Variants in NSMCE4A observed in about 807,000 individuals in gnomAD.
NSMCE4A encodes the protein NSE4A component of SMC5/6 complex.
In NSMCE4A, 40 loss-of-function variants were observed where a neutral mutation model predicts 47.9. That is an observed-to-expected ratio of 0.83 (90% CI 0.65 to 1.09). The LOEUF is 1.09. NSMCE4A is among the 50% of genes least tolerant of loss of function. The pLI, the probability that NSMCE4A is intolerant of heterozygous loss-of-function variation, is 0.00. For missense variants in NSMCE4A, 500 were observed against 507.0 expected (o/e 0.99, Z 0.13); for synonymous variants, 166 against 178.5 (o/e 0.93, Z 0.56).
At chr10:121,965,437 AAACT>A (rs1376127436) in intron 4 of NSMCE4A, 52 bp from the exon 5 acceptor site, 3 of 1,401,356 alleles carry the variant, frequency 2.1e-6, no homozygotes, top group Non-Finnish European at 3.0e-6. Flanking sequence ...TTTGTTAAAC[AAACT>A]AACTTTACTA....
intron 4 of NSMCE4A, chr10:121,966,793 A>G (rs1952614836): frequency 6.6e-6 from 1 of 152,234 alleles, no homozygotes; most frequent in Non-Finnish European, 1.5e-5. Flanking sequence ...CTTAGAGAAG[A>G]GCCAGTAAGA....
intron 3 of NSMCE4A, among the ~76,000 whole-genome samples, chr10:121,968,418 G>A (rs1044250465): frequency 7.9e-5 from 12 of 152,076 alleles, no homozygotes; most frequent in Non-Finnish European, 1.3e-4. Context: ...AAAGCTTCAA[G>A]ACAGCACAAG....
intron 3 of NSMCE4A, among the ~76,000 whole-genome samples, chr10:121,968,740 A>G (rs12265542): frequency 0.13 from 20,361 of 152,212 alleles, 1,576 homozygotes; most frequent in Middle Eastern, 0.18. Context: ...CAAAACCCTC[A>G]GGGAGCTTAA....
chr10:121,957,422 CTTTTTTCTT>C (rs1952414451), intron 10 of NSMCE4A, among the ~76,000 whole-genome samples, 163 bp from the exon 11 acceptor site: 3 of 117,770 alleles, frequency 2.5e-5, no homozygotes, highest in African/African-American at 9.5e-5. Context: ...TTCCCTTCTT[CTTTTTTCTT>C]TTTTTTTTTT....
In NSMCE4A at chr10:121,973,238, C is replaced by CA. The variant is rs11327063; in HGVS notation, c.370+765dup. On this transcript the variant is annotated intron_variant, in intron 2 of 10. Coordinates refer to ENST00000369023, the MANE Select transcript of NSMCE4A (RefSeq NM_017615.3). ...GCAACAGAGACTCCATCTCAAACCT[C>CA]AAAAAAAAAAAAAAAAAGGATATAT... Among the ~76,000 whole-genome samples, 538 of 132,142 alleles carry CA rather than the reference C, an allele frequency of 4.1e-3. 4 individuals are homozygous for CA. Among genetic ancestry groups the CA allele is most frequent in the East Asian group, 0.026 (110 of 4,182 alleles). 86.7% of individuals were successfully genotyped at this position (132,142 alleles called of 152,430 possible).
intron 5 of NSMCE4A, 74 bp from the exon 6 acceptor site, chr10:121,963,402 AAACTCCTTTTCTTCTCTCTTGCACACCCG>A: frequency 1.2e-6 from 1 of 813,094 alleles, no homozygotes; most frequent in South Asian, 1.5e-5. Flanking sequence ...TTGCACACCC[AAACTCCTTTTCTTCTCTCTTGCACACCCG>A]AACTCTTTTT....
In NSMCE4A at chr10:121,959,385, G is replaced by A. The variant is rs1733836171; in HGVS notation, c.1109C>T (p.Ser370Leu). The change falls in exon 10 of 11, where the codon TCA becomes TTA. Residue 370 changes from serine to leucine, a missense_variant. Coordinates refer to ENST00000369023, the MANE Select transcript of NSMCE4A (RefSeq NM_017615.3). Reference protein sequence around the residue: ...WEEIVKTFEISEPVITPSQRQ... With the variant: ...WEEIVKTFEILEPVITPSQRQ... The stretch of plus-strand genomic sequence containing the variant: ...CTGACTTGGAGTAATCACAGGCTCT[G>A]AAATCTCAAAGGTCTTCACAATCTC... 1.2e-6 allele frequency: 2 copies of A among 1,614,082 alleles called. No individual in the cohort carries two copies. Among genetic ancestry groups the A allele is most frequent in the African/African-American group, 2.7e-5 (2 of 74,932 alleles).
chr10:121,967,577 A>G, intron 4 of NSMCE4A, 78 bp downstream of exon 4: 1 of 1,456,524 alleles, frequency 6.9e-7, no homozygotes, highest in Non-Finnish European at 9.3e-7. Flanking sequence ...ACAATACCAA[A>G]TAATCTTTGT....
intron 4 of NSMCE4A, chr10:121,965,688 T>G (rs118146804): frequency 7.4e-6 from 2 of 269,872 alleles, no homozygotes; most frequent in Non-Finnish European, 1.4e-5. Context: ...CCCAACCTAT[T>G]GTTTTGCAAA....
In NSMCE4A at chr10:121,975,055, C is replaced by T; in HGVS notation, c.111G>A (p.Arg37=). 1 of 1,460,710 alleles carries T rather than the reference C, an allele frequency of 6.8e-7. No individual in the cohort carries two copies. The highest frequency in any genetic ancestry group is 9.0e-7 in the Non-Finnish European group (1 of 1,114,938). The allele number at this position is 1,460,710 out of a possible 1,614,324, so 90.5% of individuals were successfully genotyped here. ...RSRSRSPLSP[R]SRRGSARERR... ...GCTCCCGCGCAGAGCCGCGGCGGGA[C>T]CTGGGCGACAAAGGGGACCGCGAGC... Residue 37 remains arginine (R), a synonymous_variant, in exon 1 of 11, where the codon AGG becomes AGA. Transcript: ENST00000369023.
intron 4 of NSMCE4A, chr10:121,966,994 C>A (rs1952618667): frequency 6.6e-6 from 1 of 152,122 alleles, no homozygotes; most frequent in African/African-American, 2.4e-5. Context: ...TAATAAATGT[C>A]ACTTTAGACG....
intron 6 of NSMCE4A, 22 bp from the exon 7 acceptor site, chr10:121,961,539 A>G: frequency 6.7e-7 from 1 of 1,494,720 alleles, no homozygotes; most frequent in South Asian, 1.3e-5. Context: ...AAGAGAAAAA[A>G]AAATTGATTT....
intron 1 of NSMCE4A, 107 bp downstream of exon 1, chr10:121,974,767 G>C: frequency 8.5e-7 from 1 of 1,175,822 alleles, no homozygotes; most frequent in Non-Finnish European, 1.0e-6. Flanking sequence ...CTAACGCCGC[G>C]CCGGGCCTCC....
chr10:121,962,418 CAAA>C (rs781536528), intron 6 of NSMCE4A, among the ~76,000 whole-genome samples: 5 of 78,468 alleles, frequency 6.4e-5, no homozygotes, highest in Admixed American at 2.9e-4. Flanking sequence ...GACTCTGTCT[CAAA>C]AAAAAAAAAA....
chr10:121,971,771 T>C (rs890646964), intron 2 of NSMCE4A, among the ~76,000 whole-genome samples: 32 of 152,224 alleles, frequency 2.1e-4, no homozygotes, highest in African/African-American at 7.0e-4. Context: ...GTGCTTGGCA[T>C]GGTGGTTTGT....
chr10:121,957,802 A>G (rs1481600943), intron 10 of NSMCE4A, among the ~76,000 whole-genome samples: 2 of 152,190 alleles, frequency 1.3e-5, no homozygotes, highest in Non-Finnish European at 1.5e-5. Context: ...AGCACATATT[A>G]AGTGCTTACA....
chr10:121,975,102 C>A lies in NSMCE4A; in HGVS notation c.64G>T (p.Asp22Tyr). 1 of 1,436,128 alleles carries A rather than the reference C, an allele frequency of 7.0e-7. No individual in the cohort carries two copies. The allele number at this position is 1,436,128 out of a possible 1,614,324, so 89.0% of individuals were successfully genotyped here. The change falls in exon 1 of 11, where the codon GAT becomes TAT. Residue 22 changes from aspartate to tyrosine, a missense_variant. By Grantham distance (160) the Asp-to-Tyr change is radical. Transcript: ENST00000369023. ...GAGCGGGAGCGGGAGCGGGTGCGAT[C>A]CCGATGCGGGTCGCGGCCCCGGCCC... ...GRGRGRDPHRDRTRSRSRSRS... is the reference protein window; with the variant it reads ...GRGRGRDPHRYRTRSRSRSRS...
intron 1 of NSMCE4A, chr10:121,974,351 A>G (rs1003244483): frequency 5.7e-6 from 7 of 1,226,586 alleles, no homozygotes; most frequent in Admixed American, 3.6e-5. Flanking sequence ...TGAGTGCTCC[A>G]TAACTGAGTG....
rs529215319 is a variant in NSMCE4A at position 121,960,979 on chromosome 10, A to C, written c.939+444T>G. 6.6e-6 allele frequency among the ~76,000 whole-genome samples: 1 copy of C among 152,288 alleles called. No individual in the cohort carries two copies. Among genetic ancestry groups the C allele is most frequent in the East Asian group, 1.9e-4 (1 of 5,186 alleles). On this transcript the variant is annotated intron_variant, in intron 7 of 10. Transcript: ENST00000369023. This position sits in a 1 kb window ranked among gnomAD's most constrained non-coding sequence, Gnocchi z 4.2. ...TGGCATATATCCTTTACCCATATTCATCAGTCGTTAAAGTGTTAGTTACCA... is the reference window on the plus strand; with the variant it reads ...TGGCATATATCCTTTACCCATATTCCTCAGTCGTTAAAGTGTTAGTTACCA...
Sources: gnomAD v4.1 joint callset for allele counts (sites outside exome capture counted in the v4.1 genomes callset) on GRCh38, gnomAD v4.1.1 for gene constraint, Gnocchi (gnomAD v3.1) non-coding constraint, MANE v1.5 for transcripts, NCBI Gene and HGNC (gene_info 2026-07-23, HGNC 2026-07-21) for gene names.